TENM1: variants seen among roughly 807,000 people sequenced by gnomAD.
The protein encoded by TENM1 is teneurin transmembrane protein 1, also known as teneurin-1.
A neutral mutation model predicts 174.8 loss-of-function variants in TENM1; 35 were observed. That is an observed-to-expected ratio of 0.20 (90% confidence interval 0.15 to 0.27). TENM1 has a LOEUF of 0.27. Ranked by LOEUF, TENM1 falls within the 10% of genes least tolerant of loss-of-function variation. The probability of loss-of-function intolerance (pLI) is 1.00; values close to 1 mark genes in which losing one functional copy is unlikely to be tolerated. For synonymous variants in TENM1, 781 were observed against 798.7 expected, an observed-to-expected ratio of 0.98 and a Z score of 0.37; for missense variants, 1,633 against 2,130.1, an observed-to-expected ratio of 0.77 and a Z score of 4.59.
intron 28 of TENM1, among the ~76,000 whole-genome samples, chrX:124,386,559 G>A (rs1190953607): frequency 9.0e-6 from 1 of 110,815 alleles, no homozygotes; most frequent in Non-Finnish European, 1.9e-5. Flanking sequence ...GAGAAATTTT[G>A]TGTGGCTAGA....
chrX:124,963,264 A>T (rs2058682411), intron 1 of TENM1, among the ~76,000 whole-genome samples: 1 of 112,240 alleles, frequency 8.9e-6, no homozygotes, highest in South Asian at 3.7e-4. Context: ...TTTATCCTTC[A>T]GTCTATAAAT....
At chrX:124,662,455 GAAA>G (rs1224806453) in intron 6 of TENM1, among the ~76,000 whole-genome samples, 62 of 31,057 alleles carry the variant, frequency 2.0e-3, no homozygotes, top group African/African-American at 4.8e-3. Flanking sequence ...CTTCATCTCA[GAAA>G]AAAAAAAAAA....
chrX:125,118,632 A>G, the TENM1 span, among the ~76,000 whole-genome samples: 1 of 111,715 alleles, frequency 9.0e-6, no homozygotes, highest in Non-Finnish European at 1.9e-5. Flanking sequence ...TACCAAAAAT[A>G]TACACAAATG....
intron 18 of TENM1, among the ~76,000 whole-genome samples, chrX:124,506,940 G>A (rs1257027475): frequency 9.0e-6 from 1 of 111,569 alleles, no homozygotes; most frequent in East Asian, 2.8e-4. Flanking sequence ...TTGACACCAT[G>A]CTCTGCCTGA....
intron 4 of TENM1, among the ~76,000 whole-genome samples, chrX:124,728,888 T>C (rs757031065): frequency 8.9e-6 from 1 of 112,084 alleles, no homozygotes; most frequent in Non-Finnish European, 1.9e-5. Flanking sequence ...ATCTCTCAAT[T>C]GAGGATGGCA....
At chrX:125,048,783 G>T in the TENM1 span, among the ~76,000 whole-genome samples, 1 of 111,254 alleles carries the variant, frequency 9.0e-6, no homozygotes, top group South Asian at 3.7e-4. Flanking sequence ...GCTATGGTCT[G>T]CTTTCATAAA....
Position 124,490,484 on chromosome X carries a change from C to T in TENM1, c.3696-3255G>A, listed in dbSNP as rs776219304. On this transcript the variant is annotated intron_variant, in intron 20 of 31. Transcript: ENST00000422452. ...CATTCTAACTGCCCCTAAATGGCTGCTATTCCAGTTCTACTCCATTCCCAG... is the reference window on the plus strand; with the variant it reads ...CATTCTAACTGCCCCTAAATGGCTGTTATTCCAGTTCTACTCCATTCCCAG... 3.2e-3 allele frequency among the ~76,000 whole-genome samples: 354 copies of T among 111,973 alleles called. 3 individuals carry two copies. The highest frequency in any genetic ancestry group is 0.011 in the African/African-American group (338 of 30,838).
intron 3 of TENM1, among the ~76,000 whole-genome samples, chrX:124,883,264 T>C (rs1384179534): frequency 8.9e-6 from 1 of 111,921 alleles, no homozygotes; most frequent in Non-Finnish European, 1.9e-5. Flanking sequence ...GGGTAGAAAA[T>C]TTTTGCTTTG....
chrX:125,194,915 A>G, the TENM1 span, among the ~76,000 whole-genome samples: 1 of 108,222 alleles, frequency 9.2e-6, no homozygotes, highest in South Asian at 3.8e-4. Flanking sequence ...ATAAAACTAT[A>G]TCAATCTTTG....
At chrX:124,454,215 A>G (rs1175176502) in intron 22 of TENM1, among the ~76,000 whole-genome samples, 1 of 111,325 alleles carries the variant, frequency 9.0e-6, no homozygotes, top group Non-Finnish European at 1.9e-5. Flanking sequence ...TGTGACTCTG[A>G]TTGAGTCATT....
At chrX:124,782,542 T>A (rs1186755971) in intron 3 of TENM1, among the ~76,000 whole-genome samples, 2 of 111,202 alleles carry the variant, frequency 1.8e-5, no homozygotes, top group Non-Finnish European at 3.8e-5. Context: ...ATATACACTG[T>A]TCTTTCATCT....
the TENM1 span, among the ~76,000 whole-genome samples, chrX:125,179,202 C>A: frequency 9.0e-6 from 1 of 111,663 alleles, no homozygotes; most frequent in African/African-American, 3.3e-5. Flanking sequence ...GTTGTACTTT[C>A]ACTTCCGGAA....
At chrX:124,985,578 T>C in the TENM1 span, among the ~76,000 whole-genome samples, 1 of 112,045 alleles carries the variant, frequency 8.9e-6, no homozygotes, top group Non-Finnish European at 1.9e-5. Flanking sequence ...ACAAACTACT[T>C]GTCACAGAAA....
chrX:125,154,306 C>T, the TENM1 span, among the ~76,000 whole-genome samples: 1 of 111,676 alleles, frequency 9.0e-6, no homozygotes, highest in African/African-American at 3.3e-5. Flanking sequence ...CTGAAGTCAT[C>T]GAAGTCATGA....
the TENM1 span, among the ~76,000 whole-genome samples, chrX:125,155,583 G>T: frequency 8.9e-6 from 1 of 111,990 alleles, no homozygotes; most frequent in Admixed American, 9.3e-5. Flanking sequence ...GGGGAGGGAG[G>T]CTCAGGCATG....
chrX:124,526,786 T>G (rs2047986603), intron 16 of TENM1, among the ~76,000 whole-genome samples: 1 of 112,235 alleles, frequency 8.9e-6, no homozygotes, highest in Non-Finnish European at 1.9e-5. Flanking sequence ...ATGGTATCCA[T>G]AAATGAATAA....
At chrX:125,001,606 A>C in the TENM1 span, among the ~76,000 whole-genome samples, 1 of 110,771 alleles carries the variant, frequency 9.0e-6, no homozygotes, top group South Asian at 3.8e-4. Flanking sequence ...TATGGAGATA[A>C]AATATGTCCA....
intron 22 of TENM1, among the ~76,000 whole-genome samples, chrX:124,466,729 A>G (rs1395165563): frequency 1.8e-5 from 2 of 110,571 alleles, no homozygotes; most frequent in African/African-American, 6.6e-5. Flanking sequence ...TCTTCTGTCC[A>G]CTCTCCCTGG....
At chrX:124,495,590 T>C (rs2047180882) in intron 20 of TENM1, among the ~76,000 whole-genome samples, 1 of 110,520 alleles carries the variant, frequency 9.0e-6, no homozygotes, top group Non-Finnish European at 1.9e-5. Flanking sequence ...TCCTTGCCCA[T>C]GCCTATGTCC....
Sources: allele counts gnomAD v4.1 joint callset (sites outside exome capture counted in the v4.1 genomes callset), GRCh38; gene constraint gnomAD v4.1.1; transcripts MANE v1.5; gene names NCBI Gene and HGNC (gene_info 2026-07-23, HGNC 2026-07-21).